Variants in SNX29 observed in about 807,000 individuals in gnomAD.
The protein encoded by SNX29 is sorting nexin 29, also known as sorting nexin-29.
In SNX29, 78 loss-of-function variants were observed where a neutral mutation model predicts 102.1. The ratio of observed to expected loss-of-function variants is 0.76; its 90% confidence interval spans 0.64 to 0.92. SNX29 has a LOEUF of 0.92. Ranked by LOEUF, SNX29 falls within the 40% of genes least tolerant of loss-of-function variation. The pLI is 0.00. For synonymous variants in SNX29, 580 were observed against 414.5 expected (o/e 1.40, Z -4.85); for missense variants, 1,280 against 1,061.7 (o/e 1.21, Z -2.86).
At chr16:12,345,128 T>C (rs59519496) in intron 15 of SNX29, among the ~76,000 whole-genome samples, 9,626 of 152,226 alleles carry the variant, frequency 0.063, 998 homozygotes, top group African/African-American at 0.22. Context: ...GGCAGTGATC[T>C]CCAGTAACAC....
At position 12,571,525 on chromosome 16, in the gene SNX29, G is replaced by A. The variant is rs1011387890; in HGVS notation, c.*2896G>A. The A allele has an allele frequency of 1.2e-5, 10 of 804,428 alleles. No homozygotes were observed. In the South Asian group the frequency reaches 3.0e-4, roughly 24 times the overall value. 49.8% of individuals were successfully genotyped at this position (804,428 alleles called of 1,614,324 possible). On this transcript the variant is annotated 3_prime_UTR_variant, in exon 21 of 21. Coordinates refer to ENST00000566228, the MANE Select transcript of SNX29 (RefSeq NM_032167.5). ...CACCTCTCAAGGGCCTTGGATTCCT[G>A]GGACCACCCTTTGCTGGGAGGAAGA...
chr16:12,539,181 C>G (rs1319289598), intron 20 of SNX29, among the ~76,000 whole-genome samples: 1 of 152,182 alleles, frequency 6.6e-6, no homozygotes, highest in Non-Finnish European at 1.5e-5. Flanking sequence ...TGAATTTAAA[C>G]ACATGCATAG....
chr16:12,164,858 T>A (rs2055947119), intron 13 of SNX29, among the ~76,000 whole-genome samples: 1 of 152,068 alleles, frequency 6.6e-6, no homozygotes, highest in South Asian at 2.1e-4. Flanking sequence ...CAGCTAATTT[T>A]TGTATTTTTA....
At position 12,472,543 on chromosome 16, in the gene SNX29, A is replaced by C. The variant is rs545528222; in HGVS notation, c.2038-5176A>C. Among the ~76,000 whole-genome samples the C allele has an allele frequency of 9.9e-3, 1,383 of 139,938 alleles. 31 individuals are homozygous for C. Among genetic ancestry groups the C allele is most frequent in the African/African-American group, 0.03 (1,167 of 38,916 alleles). The allele number at this position is 139,938 out of a possible 152,430, so 91.8% of individuals were successfully genotyped here. A position where few individuals can be genotyped will look rare whatever the true frequency, so the allele number is the denominator to read the frequency against. ...CAAAAAAAAACCAAAAAAAAAAAAAACAAAAAAAAAAAGAAAAAAACAGGG... is the reference window on the plus strand; with the variant it reads ...CAAAAAAAAACCAAAAAAAAAAAAACCAAAAAAAAAAAGAAAAAAACAGGG... On this transcript the variant is annotated intron_variant, in intron 18 of 20. Coordinates refer to ENST00000566228, the MANE Select transcript of SNX29 (RefSeq NM_032167.5).
chr16:12,072,203 T>C (rs1327366844), intron 10 of SNX29, among the ~76,000 whole-genome samples: 1 of 135,830 alleles, frequency 7.4e-6, no homozygotes, highest in Admixed American at 7.2e-5. Flanking sequence ...TTCAACACTA[T>C]GTTGAATAGG....
chr16:12,439,135 C>G (rs937203210), intron 18 of SNX29, among the ~76,000 whole-genome samples: 2 of 152,210 alleles, frequency 1.3e-5, no homozygotes, highest in African/African-American at 4.8e-5. Flanking sequence ...CCTCCACCTG[C>G]TCTTGTCCTG....
At chr16:12,163,126 C>T (rs1364291530) in intron 13 of SNX29, among the ~76,000 whole-genome samples, 2 of 152,160 alleles carry the variant, frequency 1.3e-5, no homozygotes, top group African/African-American at 4.8e-5. Flanking sequence ...AGGTGATACG[C>T]CCACCTTGGC....
At chr16:12,150,122 G>A (rs1294426177) in intron 13 of SNX29, among the ~76,000 whole-genome samples, 1 of 152,138 alleles carries the variant, frequency 6.6e-6, no homozygotes, top group Non-Finnish European at 1.5e-5. Context: ...ACTATTGAAG[G>A]CCTTTAAGGA....
At chr16:12,553,709 T>C (rs528130842) in intron 20 of SNX29, among the ~76,000 whole-genome samples, 16 of 151,308 alleles carry the variant, frequency 1.1e-4, no homozygotes, top group Admixed American at 3.3e-4. Flanking sequence ...TGCCTCAGCC[T>C]ACCACGCAGC....
At chr16:12,532,659 G>T (rs943399187) in intron 20 of SNX29, among the ~76,000 whole-genome samples, 6 of 152,226 alleles carry the variant, frequency 3.9e-5, no homozygotes, top group Non-Finnish European at 7.3e-5. Context: ...GGAATTGGCT[G>T]ACATATGGGG....
Position 12,573,180 on chromosome 16 carries a change from C to T in SNX29, c.*4551C>T, listed in dbSNP as rs9924027. ...TGGTCAATAGAAGTAAGGGTGTAGCCATCCAGGGTCTCCCGGCTCTAGGCA... is the reference window on the plus strand; with the variant it reads ...TGGTCAATAGAAGTAAGGGTGTAGCTATCCAGGGTCTCCCGGCTCTAGGCA... On this transcript the variant is annotated 3_prime_UTR_variant, in exon 21 of 21. Coordinates refer to ENST00000566228, the MANE Select transcript of SNX29 (RefSeq NM_032167.5). 896 of 226,066 alleles carry T rather than the reference C, an allele frequency of 4.0e-3. 6 individuals are homozygous for T. The highest frequency in any genetic ancestry group is 0.019 in the African/African-American group (865 of 45,082). The allele number at this position is 226,066 out of a possible 1,614,324, so 14.0% of individuals were successfully genotyped here.
chr16:11,997,881 A>C (rs568864011), intron 1 of SNX29, among the ~76,000 whole-genome samples: 1 of 152,192 alleles, frequency 6.6e-6, no homozygotes, highest in Non-Finnish European at 1.5e-5. Flanking sequence ...TAGAAGTTAA[A>C]TAAGTCCTGG....
At chr16:12,312,683 G>A (rs181632781) in intron 15 of SNX29, among the ~76,000 whole-genome samples, 442 of 1,630 alleles carry the variant, frequency 0.27, 3 homozygotes, top group African/African-American at 0.29. Flanking sequence ...CTTGGCTTTG[G>A]GACAGAGGGG....
chr16:12,026,663 C>G (rs1480151962), intron 3 of SNX29, among the ~76,000 whole-genome samples: 1 of 152,176 alleles, frequency 6.6e-6, no homozygotes, highest in Non-Finnish European at 1.5e-5. Flanking sequence ...ATTCCATCAA[C>G]TCACAATCTG....
intron 13 of SNX29, among the ~76,000 whole-genome samples, chr16:12,195,932 G>C (rs968971929): frequency 6.6e-6 from 1 of 151,260 alleles, no homozygotes; most frequent in Non-Finnish European, 1.5e-5. Context: ...GCCTTTGCTG[G>C]TTGTGAGTTT....
In SNX29 at chr16:12,533,459, C is replaced by G. The variant is rs145338699; in HGVS notation, c.2318+8618C>G. ...GGTGAGACACTAATGTTGCACCTCCCCACCCCCATCCCCAGCAGTGGGGTT... is the reference window on the plus strand; with the variant it reads ...GGTGAGACACTAATGTTGCACCTCCGCACCCCCATCCCCAGCAGTGGGGTT... On this transcript the variant is annotated intron_variant, in intron 20 of 20. Transcript: ENST00000566228. Among the ~76,000 whole-genome samples, 482 of 152,312 alleles carry G rather than the reference C, an allele frequency of 3.2e-3. 1 individual carries two copies. Among genetic ancestry groups the G allele is most frequent in the African/African-American group, 0.011 (468 of 41,562 alleles).
intron 20 of SNX29, among the ~76,000 whole-genome samples, chr16:12,555,503 A>C (rs1449247682): frequency 6.6e-6 from 1 of 151,332 alleles, no homozygotes; most frequent in African/African-American, 2.4e-5. Flanking sequence ...GGAGTCACGC[A>C]GGGATTGACT....
intron 15 of SNX29, among the ~76,000 whole-genome samples, chr16:12,352,140 G>A (rs2151296824): frequency 6.6e-6 from 1 of 152,256 alleles, no homozygotes; most frequent in South Asian, 2.1e-4. Context: ...TGATAGACTG[G>A]ATTAAAGAAA....
At chr16:12,558,175 TCA>T (rs1392333579) in intron 20 of SNX29, among the ~76,000 whole-genome samples, 1 of 152,102 alleles carries the variant, frequency 6.6e-6, no homozygotes, top group Admixed American at 6.5e-5. Flanking sequence ...GTAATGCATC[TCA>T]GTTTTTAATA....
Sources: gnomAD v4.1 joint callset for allele counts (sites outside exome capture counted in the v4.1 genomes callset) on GRCh38, gnomAD v4.1.1 for gene constraint, MANE v1.5 for transcripts, NCBI Gene and HGNC (gene_info 2026-07-23, HGNC 2026-07-21) for gene names.